Variants in MACROD2 observed in about 807,000 individuals in gnomAD.
MACROD2 encodes mono-ADP ribosylhydrolase 2, also known as ADP-ribose glycohydrolase MACROD2.
A neutral mutation model predicts 70.4 loss-of-function variants in MACROD2; 36 were observed. That is an observed-to-expected ratio of 0.51 (90% CI 0.39 to 0.68). The LOEUF is 0.68. Ranked by LOEUF, MACROD2 falls within the 30% of genes least tolerant of loss-of-function variation. MACROD2 has a pLI of 0.00. For synonymous variants in MACROD2, 172 were observed against 178.8 expected, an observed-to-expected ratio of 0.96 and a Z score of 0.30; for missense variants, 496 against 538.4, an observed-to-expected ratio of 0.92 and a Z score of 0.78.
chr20:14,136,384 T>C (rs1171768892), intron 3 of MACROD2, among the ~76,000 whole-genome samples: 1 of 152,166 alleles, frequency 6.6e-6, no homozygotes, highest in Admixed American at 6.5e-5. Context: ...CAGACCTAGA[T>C]GTAAATTCCA....
chr20:14,283,834 A>G lies in MACROD2; in HGVS notation c.271+198106A>G, dbSNP rs75495004. Among the ~76,000 whole-genome samples, 875 of 152,278 alleles carry G rather than the reference A, an allele frequency of 5.7e-3. 6 individuals carry two copies. Among genetic ancestry groups the G allele is most frequent in the Middle Eastern group, 0.017 (5 of 294 alleles). On this transcript the variant is annotated intron_variant, in intron 3 of 17. Coordinates refer to ENST00000684519, the MANE Select transcript of MACROD2 (RefSeq NM_001351661.2). ...AGAAGAATTTTTTAAAACTGGCTAC[A>G]GTCTTCAAATTGCTTTTCCTGTATC...
At chr20:15,069,539 T>G (rs1057086773) in intron 5 of MACROD2, among the ~76,000 whole-genome samples, 4 of 152,106 alleles carry the variant, frequency 2.6e-5, no homozygotes, top group Non-Finnish European at 4.4e-5. Context: ...AGGAATTGAT[T>G]AGGGGGCCAG....
intron 8 of MACROD2, among the ~76,000 whole-genome samples, chr20:15,683,344 A>G (rs73614426): frequency 0.048 from 7,290 of 152,330 alleles, 286 homozygotes; most frequent in East Asian, 0.21. Flanking sequence ...GAATTGTTCA[A>G]TCTCTCTTTT....
At chr20:14,270,045 G>A (rs1229759256) in intron 3 of MACROD2, among the ~76,000 whole-genome samples, 1 of 152,066 alleles carries the variant, frequency 6.6e-6, no homozygotes, top group African/African-American at 2.4e-5. Context: ...AAATTATAGG[G>A]CAAGGCAGCT....
At chr20:14,781,658 A>G (rs796787189) in intron 5 of MACROD2, among the ~76,000 whole-genome samples, 17 of 151,780 alleles carry the variant, frequency 1.1e-4, no homozygotes, top group African/African-American at 4.1e-4. Flanking sequence ...TGTTCACTAC[A>G]TATAAATGCA....
In MACROD2 at chr20:13,995,922, C is replaced by G; in HGVS notation, c.46+113C>G. On this transcript the variant is annotated intron_variant, in intron 1 of 17. Coordinates refer to ENST00000684519, the MANE Select transcript of MACROD2 (RefSeq NM_001351661.2). The surrounding 1 kb of genome is among the most constrained non-coding windows in gnomAD (Gnocchi z 4.3). Reference sequence around the variant, plus strand: ...GCCCGAGCTCCCGCCTCGCGCCCTCCCGGCCGGTGCCGCCTCCCTCCGGTG... The same window carrying G: ...GCCCGAGCTCCCGCCTCGCGCCCTCGCGGCCGGTGCCGCCTCCCTCCGGTG... The G allele has an allele frequency of 8.1e-7, 1 of 1,228,858 alleles. No homozygotes were observed. Among genetic ancestry groups the G allele is most frequent in the South Asian group, 1.3e-5 (1 of 74,366 alleles). 76.1% of individuals were successfully genotyped at this position (1,228,858 alleles called of 1,614,324 possible).
At chr20:15,906,502 G>A (rs924643998) in intron 10 of MACROD2, among the ~76,000 whole-genome samples, 3 of 151,662 alleles carry the variant, frequency 2.0e-5, no homozygotes, top group South Asian at 4.1e-4. Context: ...ACAATAAAAA[G>A]ATCAAAATTA....
intron 6 of MACROD2, among the ~76,000 whole-genome samples, chr20:15,362,286 G>A (rs2078361749): frequency 1.3e-5 from 2 of 151,950 alleles, no homozygotes; most frequent in South Asian, 4.2e-4. Flanking sequence ...GAACCACCGT[G>A]CCCAGCCTAT....
At chr20:15,936,221 T>G (rs534708031) in intron 11 of MACROD2, among the ~76,000 whole-genome samples, 38 of 146,196 alleles carry the variant, frequency 2.6e-4, no homozygotes, top group Non-Finnish European at 5.5e-4. Flanking sequence ...ATACTATATA[T>G]AAACTATAGA....
intron 2 of MACROD2, among the ~76,000 whole-genome samples, chr20:14,044,941 A>G (rs922080253): frequency 1.3e-5 from 2 of 152,232 alleles, no homozygotes; most frequent in African/African-American, 2.4e-5. Flanking sequence ...AGGCTCAGGC[A>G]TGGTGGGCTG....
chr20:14,232,279 G>C (rs571926185), intron 3 of MACROD2, among the ~76,000 whole-genome samples: 2 of 152,342 alleles, frequency 1.3e-5, no homozygotes, highest in South Asian at 4.1e-4. Context: ...TCAAACTAAA[G>C]TTACAAGCTG....
In MACROD2 at chr20:15,006,141, A is replaced by ATATGTGTGTG. The variant is rs141289169; in HGVS notation, c.419-223798_419-223797insATGTGTGTGT. Among the ~76,000 whole-genome samples the ATATGTGTGTG allele has an allele frequency of 8.1e-4, 109 of 134,358 alleles. 1 individual carries two copies. Among genetic ancestry groups the ATATGTGTGTG allele is most frequent in the Middle Eastern group, 3.8e-3 (1 of 264 alleles). 88.1% of individuals were successfully genotyped at this position (134,358 alleles called of 152,430 possible). A position where few individuals can be genotyped will look rare whatever the true frequency, so the allele number is the denominator to read the frequency against. On this transcript the variant is annotated intron_variant, in intron 5 of 17. Coordinates refer to ENST00000684519, the MANE Select transcript of MACROD2 (RefSeq NM_001351661.2). Reference sequence around the variant, plus strand: ...CAAAGAATGCATTTTATATATATATATGTGTGTGTGTGTGTGTGTGTGTGT... The same window carrying ATATGTGTGTG: ...CAAAGAATGCATTTTATATATATATATATGTGTGTGTGTGTGTGTGTGTGTGTGTGTGTGT...
intron 8 of MACROD2, among the ~76,000 whole-genome samples, chr20:15,816,476 C>CA (rs151296583): frequency 0.015 from 2,138 of 146,848 alleles, 40 homozygotes; most frequent in African/African-American, 0.045. Flanking sequence ...TGATTTTAAC[C>CA]AAAAAAAAAA....
chr20:15,147,531 A>G (rs527678401), intron 5 of MACROD2, among the ~76,000 whole-genome samples: 1 of 151,046 alleles, frequency 6.6e-6, no homozygotes, highest in Non-Finnish European at 1.5e-5. Flanking sequence ...CTTTCTAGCA[A>G]TCTCTCTCTC....
chr20:15,704,761 A>G (rs991288237), intron 8 of MACROD2, among the ~76,000 whole-genome samples: 3 of 152,240 alleles, frequency 2.0e-5, no homozygotes, highest in African/African-American at 7.2e-5. Flanking sequence ...TGGAAAATAA[A>G]AGTAGTGAAG....
At chr20:14,109,997 A>C (rs1422775189) in intron 3 of MACROD2, among the ~76,000 whole-genome samples, 1 of 152,012 alleles carries the variant, frequency 6.6e-6, no homozygotes, top group Non-Finnish European at 1.5e-5. Flanking sequence ...AGCAAACTGA[A>C]TTCAACAGTA....
At position 14,072,355 on chromosome 20, in the gene MACROD2, A is replaced by G. The variant is rs145933807; in HGVS notation, c.164-13266A>G. On this transcript the variant is annotated intron_variant, in intron 2 of 17. Transcript: ENST00000684519. ...AGTTCATTCACAGATGGACTCTTTG[A>G]ACTAAAAATGGTATATGAGAGCCTG... Among the ~76,000 whole-genome samples the G allele has an allele frequency of 2.0e-4, 31 of 152,266 alleles. No individual in the cohort carries two copies. The East Asian group carries it at 5.8e-3, about 29-fold the overall frequency.
intron 6 of MACROD2, among the ~76,000 whole-genome samples, chr20:15,417,261 G>T (rs969195388): frequency 4.6e-5 from 7 of 152,002 alleles, no homozygotes; most frequent in African/African-American, 1.7e-4. Flanking sequence ...AGGGAAAAAA[G>T]CTTTGATTAG....
intron 3 of MACROD2, among the ~76,000 whole-genome samples, chr20:14,088,773 T>TA (rs2054113569): frequency 6.6e-6 from 1 of 152,218 alleles, no homozygotes; most frequent in Non-Finnish European, 1.5e-5. Context: ...ATCTCCTTCT[T>TA]AAAAATATTT....
Sources: allele counts gnomAD v4.1 joint callset (sites outside exome capture counted in the v4.1 genomes callset), GRCh38; gene constraint gnomAD v4.1.1; non-coding constraint Gnocchi (gnomAD v3.1); transcripts MANE v1.5; gene names NCBI Gene and HGNC (gene_info 2026-07-23, HGNC 2026-07-21).